The following RBFOX1 variants were observed in gnomAD, a reference collection of about 807,000 sequenced individuals.
RBFOX1 encodes RNA binding fox-1 homolog 1, also known as RNA binding protein fox-1 homolog 1.
In RBFOX1, 8 loss-of-function variants were observed where a neutral mutation model predicts 57.7. The ratio of observed to expected loss-of-function variants is 0.14; its 90% CI spans 0.08 to 0.25. The LOEUF (loss-of-function observed/expected upper bound fraction) is 0.25. Ranked by LOEUF, RBFOX1 falls within the 10% of genes least tolerant of loss-of-function variation. RBFOX1 has a pLI of 1.00. For missense variants in RBFOX1, 611 were observed against 548.5 expected (o/e 1.11, Z -1.14); for synonymous variants, 326 against 222.4 (o/e 1.47, Z -4.15).
At chr16:7,571,495 G>T (rs962291955) in intron 5 of RBFOX1, among the ~76,000 whole-genome samples, 5 of 152,218 alleles carry the variant, frequency 3.3e-5, no homozygotes, top group African/African-American at 9.6e-5. Flanking sequence ...GAGCCCCGTG[G>T]TTCTTTATTA....
intron 4 of RBFOX1, among the ~76,000 whole-genome samples, chr16:5,977,862 G>A (rs1016912871): frequency 2.0e-5 from 3 of 151,928 alleles, no homozygotes; most frequent in Non-Finnish European, 4.4e-5. Context: ...TTTTTGAGTC[G>A]AAATTTATGA....
At chr16:7,027,117 C>T (rs1202559308) in intron 3 of RBFOX1, among the ~76,000 whole-genome samples, 4 of 152,160 alleles carry the variant, frequency 2.6e-5, no homozygotes, top group Non-Finnish European at 4.4e-5. Context: ...CTCCTAAACG[C>T]TTTCTATGCC....
At chr16:5,358,821 C>G (rs565273243) in intron 1 of RBFOX1, among the ~76,000 whole-genome samples, 1 of 152,162 alleles carries the variant, frequency 6.6e-6, no homozygotes, top group South Asian at 2.1e-4. Flanking sequence ...GAGCAAAACT[C>G]CATCTCAAAA....
intron 2 of RBFOX1, among the ~76,000 whole-genome samples, chr16:6,466,809 A>C (rs887503170): frequency 6.6e-6 from 1 of 152,276 alleles, no homozygotes; most frequent in African/African-American, 2.4e-5. Context: ...GCTACAGAAG[A>C]AGCAAAGAAA....
At chr16:5,347,979 C>A (rs530575775) in intron 1 of RBFOX1, among the ~76,000 whole-genome samples, 2 of 143,260 alleles carry the variant, frequency 1.4e-5, no homozygotes, top group African/African-American at 5.2e-5. Context: ...ACCAACCCAT[C>A]GATCCATCTA....
chr16:7,426,841 G>A (rs988900151), intron 4 of RBFOX1, among the ~76,000 whole-genome samples: 1 of 152,112 alleles, frequency 6.6e-6, no homozygotes, highest in African/African-American at 2.4e-5. Flanking sequence ...CAGGTCCTTG[G>A]TTATCATACA....
At chr16:5,825,023 T>C (rs1306848538) in intron 3 of RBFOX1, among the ~76,000 whole-genome samples, 1 of 152,302 alleles carries the variant, frequency 6.6e-6, no homozygotes, top group African/African-American at 2.4e-5. Context: ...ATGATGTTTT[T>C]GCAAGCTTTC....
At chr16:5,316,797 T>C (rs1596496785) in intron 1 of RBFOX1, among the ~76,000 whole-genome samples, 1 of 152,276 alleles carries the variant, frequency 6.6e-6, no homozygotes, top group South Asian at 2.1e-4. Flanking sequence ...TTAGGATAAT[T>C]GGGCCGCCGC....
intron 4 of RBFOX1, among the ~76,000 whole-genome samples, chr16:7,091,127 T>A (rs1171972295): frequency 2.3e-5 from 2 of 86,722 alleles, no homozygotes; most frequent in East Asian, 6.6e-4. Flanking sequence ...CCTTTTCGTT[T>A]CTCTTTACTT....
chr16:6,502,040 G>C (rs756647833), intron 2 of RBFOX1, among the ~76,000 whole-genome samples: 1 of 152,140 alleles, frequency 6.6e-6, no homozygotes, highest in African/African-American at 2.4e-5. Flanking sequence ...GGTCATGAGG[G>C]TATAACCCTG....
intron 12 of RBFOX1, among the ~76,000 whole-genome samples, chr16:7,658,104 C>T (rs1450748008): frequency 2.0e-5 from 3 of 152,090 alleles, no homozygotes; most frequent in Non-Finnish European, 4.4e-5. Context: ...ACAACTTGGT[C>T]CATCTTATGA....
chr16:7,709,139 C>G lies in RBFOX1; in HGVS notation c.1071+8C>G, dbSNP rs760815696. On this transcript the variant is annotated splice_region_variant and intron_variant, in intron 15 of 15. Coordinates refer to ENST00000550418, the MANE Select transcript of RBFOX1 (RefSeq NM_018723.4). ...TACGGCGTTGGTGCCATGGTGAGTA[C>G]AAGTTTCTCCTTGTCCTCACTTCCT... 2 of 1,606,646 alleles carry G rather than the reference C, an allele frequency of 1.2e-6. No individual in the cohort carries two copies. The highest frequency in any genetic ancestry group is 2.2e-5 in the East Asian group (1 of 44,720).
rs1318755923 is a variant in RBFOX1, at chr16:6,750,581, A to T, written c.-16+95931A>T. 2.0e-5 allele frequency among the ~76,000 whole-genome samples: 3 copies of T among 152,248 alleles called. No homozygotes were observed. In the East Asian group the frequency reaches 5.8e-4, roughly 29 times the overall value. On this transcript the variant is annotated intron_variant, in intron 3 of 15. Coordinates refer to ENST00000550418, the MANE Select transcript of RBFOX1 (RefSeq NM_018723.4). ...TGACCGAACTATGGTATCTAAAGGC[A>T]TGCCTTGTTCATCACCATCAGAGAT... is the stretch of plus-strand genomic sequence containing the variant.
chr16:5,794,925 T>C (rs527873325), intron 3 of RBFOX1, among the ~76,000 whole-genome samples: 1 of 152,278 alleles, frequency 6.6e-6, no homozygotes, highest in East Asian at 1.9e-4. Flanking sequence ...CTACACACTG[T>C]CTGTGGAATT....
At chr16:6,506,925 G>T (rs1201254623) in intron 2 of RBFOX1, among the ~76,000 whole-genome samples, 1 of 152,180 alleles carries the variant, frequency 6.6e-6, no homozygotes, top group Non-Finnish European at 1.5e-5. Context: ...TGGGGTTACA[G>T]TCATGAGCCA....
intron 4 of RBFOX1, among the ~76,000 whole-genome samples, chr16:7,083,617 C>A (rs190282909): frequency 6.6e-6 from 1 of 152,126 alleles, no homozygotes; most frequent in Admixed American, 6.5e-5. Flanking sequence ...GCACAAGAAA[C>A]AACTTATTAC....
chr16:6,565,171 C>T (rs1368660600), intron 2 of RBFOX1, among the ~76,000 whole-genome samples: 1 of 149,086 alleles, frequency 6.7e-6, no homozygotes, highest in Non-Finnish European at 1.5e-5. Context: ...AGGTAAACTA[C>T]AGTGATAACA....
chr16:5,533,354 C>G (rs933951003), intron 2 of RBFOX1, among the ~76,000 whole-genome samples: 1 of 152,104 alleles, frequency 6.6e-6, no homozygotes, highest in African/African-American at 2.4e-5. Flanking sequence ...AAGGTGCCCC[C>G]AATAAATATT....
At chr16:6,968,190 C>G (rs540252331) in intron 3 of RBFOX1, among the ~76,000 whole-genome samples, 5 of 152,154 alleles carry the variant, frequency 3.3e-5, no homozygotes, top group Non-Finnish European at 7.4e-5. Flanking sequence ...TCCTTTAGCT[C>G]TCTTTTCAGT....
Sources: allele counts gnomAD v4.1 joint callset (sites outside exome capture counted in the v4.1 genomes callset), GRCh38; gene constraint gnomAD v4.1.1; transcripts MANE v1.5; gene names NCBI Gene and HGNC (gene_info 2026-07-23, HGNC 2026-07-21).